FRMD4A: variants seen among roughly 807,000 people sequenced by gnomAD.
The protein encoded by FRMD4A is FERM domain-containing protein 4A.
FRMD4A carries 29 observed loss-of-function variants against 129.1 expected under a neutral mutation model. The observed-to-expected ratio is 0.22, with a 90% CI of 0.17 to 0.31. FRMD4A has a LOEUF of 0.31. FRMD4A is among the 10% of genes least tolerant of loss of function. The pLI is 1.00. For synonymous variants in FRMD4A, 634 were observed against 571.6 expected, an observed-to-expected ratio of 1.11 and a Z score of -1.56; for missense variants, 1,272 against 1,375.8, an observed-to-expected ratio of 0.92 and a Z score of 1.19.
intron 6 of FRMD4A, among the ~76,000 whole-genome samples, chr10:13,767,072 A>T (rs2092310417): frequency 6.6e-6 from 1 of 152,156 alleles, no homozygotes; most frequent in South Asian, 2.1e-4. Context: ...ACTCCATCTC[A>T]AAAGACAAAA....
At chr10:14,086,606 T>A (rs962937919) in intron 2 of FRMD4A, among the ~76,000 whole-genome samples, 1 of 152,206 alleles carries the variant, frequency 6.6e-6, no homozygotes, top group Non-Finnish European at 1.5e-5. Flanking sequence ...ACAATGACTA[T>A]ATTGCCATTT....
chr10:14,236,275 C>T (rs1843811519), intron 2 of FRMD4A, among the ~76,000 whole-genome samples: 1 of 152,206 alleles, frequency 6.6e-6, no homozygotes, highest in Non-Finnish European at 1.5e-5. Flanking sequence ...AGAATGCACG[C>T]ATGAAGCGTG....
chr10:13,818,405 A>G (rs2093579679), intron 3 of FRMD4A, among the ~76,000 whole-genome samples: 1 of 152,158 alleles, frequency 6.6e-6, no homozygotes, highest in Admixed American at 6.5e-5. Context: ...CCTGGCCTCA[A>G]GTGACCCTTT....
At chr10:14,088,333 A>C (rs948096164) in intron 2 of FRMD4A, among the ~76,000 whole-genome samples, 1 of 151,806 alleles carries the variant, frequency 6.6e-6, no homozygotes, top group East Asian at 1.9e-4. Flanking sequence ...AGTGGTCCTA[A>C]CTACTCAGGA....
intron 12 of FRMD4A, among the ~76,000 whole-genome samples, chr10:13,730,308 A>G (rs2090234607): frequency 6.6e-6 from 1 of 152,212 alleles, no homozygotes; most frequent in Non-Finnish European, 1.5e-5. Flanking sequence ...GCAAGATTTA[A>G]TAAACAATGC....
chr10:13,710,566 T>C (rs1399030821), intron 12 of FRMD4A: 1 of 152,260 alleles, frequency 6.6e-6, no homozygotes, highest in Non-Finnish European at 1.5e-5. Flanking sequence ...CTAGACATTT[T>C]TGTGGCAGGG....
chr10:13,656,496 G>C, intron 22 of FRMD4A, 140 bp downstream of exon 22: 1 of 1,034,348 alleles, frequency 9.7e-7, no homozygotes, highest in Non-Finnish European at 1.3e-6. Flanking sequence ...GCATCTAACA[G>C]CAGCGTTCCC....
intron 2 of FRMD4A, among the ~76,000 whole-genome samples, chr10:14,008,822 A>G (rs1357134652): frequency 2.0e-5 from 3 of 152,154 alleles, no homozygotes; most frequent in African/African-American, 7.2e-5. Context: ...GTATCTGTTT[A>G]CCCTTCCTGC....
At chr10:14,118,000 A>G (rs980518468) in intron 2 of FRMD4A, among the ~76,000 whole-genome samples, 1 of 152,168 alleles carries the variant, frequency 6.6e-6, no homozygotes, top group African/African-American at 2.4e-5. Context: ...TTTCCTGGCT[A>G]CGGAAGTGTG....
At chr10:13,677,437 C>CGAGCT (rs946147220) in intron 15 of FRMD4A, among the ~76,000 whole-genome samples, 1 of 152,150 alleles carries the variant, frequency 6.6e-6, no homozygotes, top group Non-Finnish European at 1.5e-5. Context: ...ACCTACCTTC[C>CGAGCT]GAGCTTTGAA....
At chr10:14,265,844 G>T (rs756521901) in intron 2 of FRMD4A, among the ~76,000 whole-genome samples, 2 of 152,200 alleles carry the variant, frequency 1.3e-5, no homozygotes, top group African/African-American at 2.4e-5. Flanking sequence ...CAGCTGGGAA[G>T]GGAGAGGGAA....
chr10:14,094,991 C>T (rs1321143507), intron 2 of FRMD4A, among the ~76,000 whole-genome samples: 4 of 152,036 alleles, frequency 2.6e-5, no homozygotes, highest in East Asian at 1.9e-4. Flanking sequence ...GAGATCCATA[C>T]ATCCATATGC....
intron 3 of FRMD4A, among the ~76,000 whole-genome samples, chr10:13,840,062 G>T (rs1464296052): frequency 6.6e-6 from 1 of 152,210 alleles, no homozygotes; most frequent in Non-Finnish European, 1.5e-5. Context: ...CCTCACAATT[G>T]CTTAAAGAGG....
At chr10:13,789,558 C>CCCCACACACA (rs1554898476) in intron 5 of FRMD4A, among the ~76,000 whole-genome samples, 2 of 144,696 alleles carry the variant, frequency 1.4e-5, no homozygotes, top group Non-Finnish European at 3.0e-5. Flanking sequence ...TATGAAAAGA[C>CCCCACACACA]CACACACACA....
chr10:14,110,400 G>A (rs1028997927), intron 2 of FRMD4A, among the ~76,000 whole-genome samples: 1 of 152,114 alleles, frequency 6.6e-6, no homozygotes, highest in Non-Finnish European at 1.5e-5. Context: ...GGAAACGGGG[G>A]TGCTGACACG....
At chr10:14,040,671 G>C (rs1417655927) in intron 2 of FRMD4A, among the ~76,000 whole-genome samples, 1 of 152,120 alleles carries the variant, frequency 6.6e-6, no homozygotes, top group Non-Finnish European at 1.5e-5. Context: ...CCTGCAGTTA[G>C]GGTTCTCCTT....
chr10:13,758,800 G>A (rs766810487), intron 8 of FRMD4A, among the ~76,000 whole-genome samples: 4 of 151,986 alleles, frequency 2.6e-5, no homozygotes, highest in Non-Finnish European at 5.9e-5. Flanking sequence ...GAACTAAGGA[G>A]CAAAAAATCC....
At chr10:14,099,008 T>C (rs1407017632) in intron 2 of FRMD4A, among the ~76,000 whole-genome samples, 2 of 152,212 alleles carry the variant, frequency 1.3e-5, no homozygotes, top group Non-Finnish European at 2.9e-5. Context: ...GTTGAGAGCA[T>C]CCAGTGAAAT....
At chr10:13,865,408 G>GTTTTGTTTTATTTTATTTTA (rs1554946457) in intron 2 of FRMD4A, among the ~76,000 whole-genome samples, 3 of 127,146 alleles carry the variant, frequency 2.4e-5, no homozygotes, top group South Asian at 5.6e-4. Context: ...TATTTTATTT[G>GTTTTGTTTTATTTTATTTTA]TTTTATTTTA....
Sources: gnomAD v4.1 joint callset for allele counts (sites outside exome capture counted in the v4.1 genomes callset) on GRCh38, gnomAD v4.1.1 for gene constraint, MANE v1.5 for transcripts, NCBI Gene and HGNC (gene_info 2026-07-23, HGNC 2026-07-21) for gene names.